WBP1L: variants seen among roughly 807,000 people sequenced by gnomAD.
WBP1L encodes the protein WW domain binding protein 1 like, also known as WW domain binding protein 1-like.
WBP1L carries 17 observed loss-of-function variants against 33.7 expected under a neutral mutation model. The observed-to-expected ratio is 0.50, with a 90% CI of 0.34 to 0.76. WBP1L has a LOEUF of 0.76. WBP1L is among the 30% of genes least tolerant of loss of function. WBP1L has a pLI of 0.01. For missense variants in WBP1L, 389 were observed against 469.4 expected (o/e 0.83, Z 1.58); for synonymous variants, 173 against 190.8 (o/e 0.91, Z 0.77).
chr10:102,775,451 G>A (rs187059731), intron 1 of WBP1L, among the ~76,000 whole-genome samples: 15 of 152,314 alleles, frequency 9.8e-5, no homozygotes, highest in Admixed American at 7.2e-4. Flanking sequence ...ACCTAAGGCG[G>A]TGAACTTTTC....
intron 1 of WBP1L, among the ~76,000 whole-genome samples, chr10:102,749,037 G>A (rs1015010983): frequency 2.0e-5 from 3 of 151,918 alleles, no homozygotes; most frequent in Non-Finnish European, 2.9e-5. Flanking sequence ...GGGGAGGCTC[G>A]AAAGAGAGGC....
chr10:102,799,371 C>T (rs1454231736), intron 2 of WBP1L, among the ~76,000 whole-genome samples: 1 of 151,716 alleles, frequency 6.6e-6, no homozygotes, highest in Non-Finnish European at 1.5e-5. Context: ...CTTTGTCTTG[C>T]CACTGGTTTG....
chr10:102,788,608 T>C (rs972523092), intron 1 of WBP1L, among the ~76,000 whole-genome samples: 1 of 152,212 alleles, frequency 6.6e-6, no homozygotes, highest in Non-Finnish European at 1.5e-5. Context: ...TATTTAGCCA[T>C]TTCAAATGTC....
chr10:102,753,756 A>T (rs890519573), intron 1 of WBP1L, among the ~76,000 whole-genome samples: 3 of 152,236 alleles, frequency 2.0e-5, no homozygotes, highest in Admixed American at 6.5e-5. Context: ...AATTTAACTT[A>T]AACATTTTTG....
At chr10:102,811,758 G>A (rs546721724) in intron 3 of WBP1L, among the ~76,000 whole-genome samples, 3 of 152,310 alleles carry the variant, frequency 2.0e-5, no homozygotes, top group South Asian at 2.1e-4. Flanking sequence ...TGATCTGCCC[G>A]CCTCGGCTTC....
chr10:102,778,474 C>G (rs1415794180), intron 1 of WBP1L, among the ~76,000 whole-genome samples: 3 of 152,186 alleles, frequency 2.0e-5, no homozygotes, highest in African/African-American at 7.2e-5. Context: ...GCATTAAACT[C>G]TTCAAGGAGA....
chr10:102,750,527 C>CT (rs144399592), intron 1 of WBP1L, among the ~76,000 whole-genome samples: 1,705 of 149,410 alleles, frequency 0.011, 9 homozygotes, highest in Middle Eastern at 0.049. Context: ...AGCATATTTT[C>CT]TTTTTTTTTT....
chr10:102,810,676 C>G (rs955160950), intron 3 of WBP1L, among the ~76,000 whole-genome samples: 34 of 145,510 alleles, frequency 2.3e-4, no homozygotes, highest in Non-Finnish European at 3.0e-4. Flanking sequence ...AAGCGATTCT[C>G]CCGCCTCAGC....
intron 1 of WBP1L, among the ~76,000 whole-genome samples, chr10:102,790,335 G>C (rs1843478032): frequency 6.6e-6 from 1 of 151,688 alleles, no homozygotes; most frequent in Admixed American, 6.6e-5. Context: ...TTCTTTTCTT[G>C]TGTTTTTAAT....
intron 1 of WBP1L, among the ~76,000 whole-genome samples, chr10:102,797,313 T>C (rs191748404): frequency 4.6e-5 from 7 of 152,342 alleles, no homozygotes; most frequent in Admixed American, 3.3e-4. Flanking sequence ...ATTTAAAATG[T>C]ACTGCTAATT....
At chr10:102,787,323 C>T (rs902937475) in intron 1 of WBP1L, among the ~76,000 whole-genome samples, 2 of 152,196 alleles carry the variant, frequency 1.3e-5, no homozygotes, top group African/African-American at 4.8e-5. Flanking sequence ...CACAGTGGCT[C>T]CCGACTGAAA....
chr10:102,776,648 A>G (rs1181231323), intron 1 of WBP1L, among the ~76,000 whole-genome samples: 1 of 152,132 alleles, frequency 6.6e-6, no homozygotes, highest in African/African-American at 2.4e-5. Flanking sequence ...AGGGCTGACC[A>G]GTTCTGATTT....
intron 2 of WBP1L, among the ~76,000 whole-genome samples, chr10:102,806,674 C>T (rs1843741181): frequency 6.6e-6 from 1 of 152,222 alleles, no homozygotes; most frequent in African/African-American, 2.4e-5. Context: ...AATCCTCTGT[C>T]TGTTCTCTTG....
At chr10:102,760,202 T>G (rs777976012) in intron 1 of WBP1L, among the ~76,000 whole-genome samples, 2 of 152,126 alleles carry the variant, frequency 1.3e-5, no homozygotes, top group Non-Finnish European at 2.9e-5. Flanking sequence ...CTTATCTGAC[T>G]CGGGGGCCAG....
intron 1 of WBP1L, among the ~76,000 whole-genome samples, chr10:102,777,134 C>G (rs2134042737): frequency 1.3e-5 from 2 of 152,322 alleles, no homozygotes; most frequent in South Asian, 2.1e-4. Flanking sequence ...GCTGAGAACA[C>G]AGCTGTTGCC....
intron 2 of WBP1L, among the ~76,000 whole-genome samples, chr10:102,803,650 C>G (rs956304039): frequency 1.3e-5 from 2 of 151,370 alleles, no homozygotes; most frequent in Non-Finnish European, 2.9e-5. Flanking sequence ...TGTCTGTTGC[C>G]CAGGCTGGAG....
Position 102,813,093 on chromosome 10 carries a change from A to G in WBP1L, c.854A>G (p.Asp285Gly), listed in dbSNP as rs751675869. 2 of 1,613,790 alleles carry G rather than the reference A, an allele frequency of 1.2e-6. No individual in the cohort carries two copies. The highest frequency in any genetic ancestry group is 1.1e-5 in the South Asian group (1 of 91,080). Residue 285 changes from aspartate (D) to glycine (G), a missense_variant, in exon 4 of 4, where the codon GAT becomes GGT. By Grantham distance (94) the Asp-to-Gly change is moderately conservative. Coordinates refer to ENST00000448841, the MANE Select transcript of WBP1L (RefSeq NM_001083913.2). The part of the protein sequence containing the change: ...VCVCNRGHHD[D>G]DLKEFNTLID... ...GTGTGCAACCGGGGCCACCATGACGATGACCTCAAAGAGTTCAACACACTC... is the reference window on the plus strand; with the variant it reads ...GTGTGCAACCGGGGCCACCATGACGGTGACCTCAAAGAGTTCAACACACTC...
chr10:102,762,052 T>C (rs543628710), intron 1 of WBP1L, among the ~76,000 whole-genome samples: 144 of 152,214 alleles, frequency 9.5e-4, no homozygotes, highest in African/African-American at 3.2e-3. Context: ...GGAGTCTCCC[T>C]ATGTTGCTTA....
chr10:102,757,838 A>G (rs1038696134), intron 1 of WBP1L, among the ~76,000 whole-genome samples: 26 of 145,174 alleles, frequency 1.8e-4, no homozygotes, highest in African/African-American at 6.6e-4. Flanking sequence ...CGGCCTCCCA[A>G]AGTGCTGGGA....
Sources: gnomAD v4.1 joint callset for allele counts (sites outside exome capture counted in the v4.1 genomes callset) on GRCh38, gnomAD v4.1.1 for gene constraint, MANE v1.5 for transcripts, NCBI Gene and HGNC (gene_info 2026-07-23, HGNC 2026-07-21) for gene names.